The following ATP13A4 variants were observed in gnomAD, a reference collection of about 807,000 sequenced individuals.
The protein encoded by ATP13A4 is probable cation-transporting ATPase 13A4.
A neutral mutation model predicts 142.5 loss-of-function variants in ATP13A4; 114 were observed. The ratio of observed to expected loss-of-function variants is 0.80; its 90% CI spans 0.69 to 0.93. The LOEUF (loss-of-function observed/expected upper bound fraction) is 0.93, where lower values mean the gene tolerates loss of function less well. Among genes scored for constraint, ATP13A4 ranks in the 40% least tolerant of loss-of-function variants. ATP13A4 has a pLI of 0.00. For missense variants in ATP13A4, 1,392 were observed against 1,454.0 expected (o/e 0.96, Z 0.69); for synonymous variants, 488 against 514.8 (o/e 0.95, Z 0.70).
chr3:193,516,147 T>A (rs1044501537), intron 1 of ATP13A4, among the ~76,000 whole-genome samples: 9 of 152,198 alleles, frequency 5.9e-5, no homozygotes, highest in Non-Finnish European at 1.3e-4. Context: ...CTTGCTAGAA[T>A]TGTCTCTTAG....
chr3:193,457,525 T>A, intron 14 of ATP13A4, 60 bp from the exon 15 acceptor site: 2 of 1,504,052 alleles, frequency 1.3e-6, no homozygotes, highest in South Asian at 1.1e-5. Flanking sequence ...CCACTGATGC[T>A]ATGCTTGAAC....
Position 193,493,178 on chromosome 3 carries a change from T to C in ATP13A4, c.382-18A>G. The C allele has an allele frequency of 6.2e-7, 1 of 1,606,076 alleles. No individual in the cohort carries two copies. Among genetic ancestry groups the C allele is most frequent in the Non-Finnish European group, 8.5e-7 (1 of 1,174,966 alleles). ...CATCTCACCTGCAAAAGAAAAGTAC[T>C]AAGAAAACCTCTAGTTTGAGGATCA... On this transcript the variant is annotated intron_variant, in intron 3 of 29. Coordinates refer to ENST00000342695, the MANE Select transcript of ATP13A4 (RefSeq NM_032279.4).
intron 12 of ATP13A4, among the ~76,000 whole-genome samples, chr3:193,463,985 T>C (rs1193603562): frequency 6.6e-6 from 1 of 152,206 alleles, no homozygotes. Flanking sequence ...TCAAAATGAA[T>C]AGTAGTGATG....
chr3:193,437,103 C>CAA (rs1190025956), intron 23 of ATP13A4, among the ~76,000 whole-genome samples: 19 of 62,772 alleles, frequency 3.0e-4, no homozygotes, highest in African/African-American at 3.6e-4. Flanking sequence ...GACTCCGTCT[C>CAA]AAAAAAAAAA....
chr3:193,433,106 T>A (rs1023590722), intron 25 of ATP13A4, among the ~76,000 whole-genome samples: 11 of 152,212 alleles, frequency 7.2e-5, no homozygotes, highest in African/African-American at 2.4e-4. Context: ...TGGTTGAGAT[T>A]TTCCTTTAGC....
At chr3:193,455,754 C>A (rs977687419) in intron 16 of ATP13A4, among the ~76,000 whole-genome samples, 11 of 152,142 alleles carry the variant, frequency 7.2e-5, no homozygotes, top group Admixed American at 7.2e-4. Context: ...TATTGCAGCA[C>A]TATTCACAAT....
In ATP13A4 at chr3:193,582,670, AT is replaced by A. The variant is rs1724581522; in HGVS notation, n.92-765del. Among the ~76,000 whole-genome samples, 5 of 75,552 alleles carry A rather than the reference AT, an allele frequency of 6.6e-5. 1 individual carries two copies. Among genetic ancestry groups the A allele is most frequent in the Non-Finnish European group, 1.1e-4 (5 of 43,540 alleles). The allele number at this position is 75,552 out of a possible 152,430, so 49.6% of individuals were successfully genotyped here. On this transcript the variant is annotated intron_variant and non_coding_transcript_variant, in intron 1 of 3. Coordinates refer to the ATP13A4 transcript ENST00000489140. ...TATATTACATACATTATATATGTAT[AT>A]TACATATATATTATATATGTGTATA... is the stretch of plus-strand genomic sequence containing the variant.
At chr3:193,462,626 A>C in intron 13 of ATP13A4, 136 bp downstream of exon 13, 1 of 812,744 alleles carries the variant, frequency 1.2e-6, no homozygotes. Flanking sequence ...TGAGAAGTTA[A>C]AAGAAGATAC....
At chr3:193,411,128 T>G in intron 27 of ATP13A4, 58 bp from the exon 28 acceptor site, 1 of 1,118,276 alleles carries the variant, frequency 8.9e-7, no homozygotes, top group South Asian at 1.2e-5. Context: ...AAATGTCACA[T>G]ATATTGACGG....
At chr3:193,511,520 T>C (rs79313866) in intron 2 of ATP13A4, among the ~76,000 whole-genome samples, 1 of 152,204 alleles carries the variant, frequency 6.6e-6, no homozygotes, top group Non-Finnish European at 1.5e-5. Context: ...CCATTAGATA[T>C]GGGTGCACCT....
chr3:193,465,985 G>A (rs777304310), intron 11 of ATP13A4, 40 bp downstream of exon 11: 9 of 1,607,088 alleles, frequency 5.6e-6, no homozygotes, highest in East Asian at 2.2e-5. Context: ...ATACAGAGAT[G>A]AGTGTGTGTG....
intron 2 of ATP13A4, among the ~76,000 whole-genome samples, chr3:193,504,662 T>C (rs942985460): frequency 6.6e-6 from 1 of 152,132 alleles, no homozygotes; most frequent in Non-Finnish European, 1.5e-5. Context: ...AAAATATAAT[T>C]TGATTGGACT....
chr3:193,570,687 G>A (rs1724241782), intron 2 of ATP13A4, among the ~76,000 whole-genome samples: 1 of 152,102 alleles, frequency 6.6e-6, no homozygotes, highest in African/African-American at 2.4e-5. Context: ...AGTAAAGCAG[G>A]GAGGCAGTGT....
Position 193,407,317 on chromosome 3 carries a change from G to A in ATP13A4, c.3374C>T (p.Ala1125Val). Residue 1125 changes from alanine (A) to valine (V), a missense_variant, in exon 29 of 30, where the codon GCC becomes GTC. Ala to Val is a moderately conservative substitution (Grantham distance 64). Coordinates refer to ENST00000342695, the MANE Select transcript of ATP13A4 (RefSeq NM_032279.4). The stretch of plus-strand genomic sequence containing the variant: ...GCCCAAGATCAGCACACTTACCTCG[G>A]CCACAAGGGACACAATGAAATTCAA... Reference protein sequence around the residue: ...LSLNFIVSLVAEEAVIENRAL... With the variant: ...LSLNFIVSLVVEEAVIENRAL... 1.9e-6 allele frequency: 3 copies of A among 1,611,142 alleles called. No individual in the cohort carries two copies. The highest frequency in any genetic ancestry group is 2.5e-6 in the Non-Finnish European group (3 of 1,177,660).
intron 26 of ATP13A4, 43 bp downstream of exon 26, chr3:193,414,536 G>C: frequency 6.2e-7 from 1 of 1,604,242 alleles, no homozygotes. Context: ...ATGTTTGATA[G>C]AAATTAGAAT....
chr3:193,562,416 C>A (rs1283221546), intron 2 of ATP13A4, among the ~76,000 whole-genome samples: 1 of 152,160 alleles, frequency 6.6e-6, no homozygotes, highest in Non-Finnish European at 1.5e-5. Flanking sequence ...ATTCATCAGG[C>A]ATTTTTGTAA....
At chr3:193,484,089 A>G (rs1719464502) in intron 7 of ATP13A4, 84 bp from the exon 8 acceptor site, 1 of 1,165,498 alleles carries the variant, frequency 8.6e-7, no homozygotes, top group African/African-American at 1.5e-5. Context: ...TTCTTTAAAG[A>G]TAGAGCACTG....
chr3:193,442,432 C>T lies in ATP13A4; in HGVS notation c.2277G>A (p.Thr759=), dbSNP rs144409808. Residue 759 remains threonine (T), a synonymous_variant, in exon 19 of 30, where the codon ACG becomes ACA. Coordinates refer to ENST00000342695, the MANE Select transcript of ATP13A4 (RefSeq NM_032279.4). ...TGSSSASISW[T]LVEEKKHIMY... Reference sequence around the variant, plus strand: ...TAATGTGTTTCTTCTCTTCTACTAACGTCCAAGATATAGATGCTGATGAGG... The same window carrying T: ...TAATGTGTTTCTTCTCTTCTACTAATGTCCAAGATATAGATGCTGATGAGG... 225 of 1,614,036 alleles carry T rather than the reference C, an allele frequency of 1.4e-4. 1 individual carries two copies. Among genetic ancestry groups the T allele is most frequent in the Admixed American group, 6.2e-4 (37 of 60,018 alleles).
At chr3:193,453,578 T>C (rs913162490) in intron 17 of ATP13A4, among the ~76,000 whole-genome samples, 1 of 152,228 alleles carries the variant, frequency 6.6e-6, no homozygotes, top group African/African-American at 2.4e-5. Context: ...AAAATCTTTC[T>C]CTAGTATGGC....
Sources: gnomAD v4.1 joint callset for allele counts (sites outside exome capture counted in the v4.1 genomes callset) on GRCh38, gnomAD v4.1.1 for gene constraint, MANE v1.5 for transcripts, NCBI Gene and HGNC (gene_info 2026-07-23, HGNC 2026-07-21) for gene names.